PCDH9: variants seen among roughly 807,000 people sequenced by gnomAD.
The protein encoded by PCDH9 is protocadherin-9.
Under a neutral mutation model 70.6 loss-of-function variants are expected in PCDH9, and 24 were observed. That is an observed-to-expected ratio of 0.34 (90% CI 0.25 to 0.48). PCDH9 has a LOEUF of 0.48. PCDH9 is among the 20% of genes least tolerant of loss of function. The probability of loss-of-function intolerance (pLI) is 0.99; values close to 1 mark genes in which losing one functional copy is unlikely to be tolerated. For synonymous variants in PCDH9, 562 were observed against 558.5 expected (o/e 1.01, Z -0.09); for missense variants, 1,281 against 1,503.6 (o/e 0.85, Z 2.45).
intron 3 of PCDH9, among the ~76,000 whole-genome samples, chr13:66,745,060 G>C (rs2139211279): frequency 6.6e-6 from 1 of 152,176 alleles, no homozygotes; most frequent in Admixed American, 6.6e-5. Context: ...TTTACTTTTT[G>C]TGTGAGCCTC....
chr13:66,834,550 C>G (rs2080983654), intron 3 of PCDH9, among the ~76,000 whole-genome samples: 1 of 152,150 alleles, frequency 6.6e-6, no homozygotes, highest in East Asian at 1.9e-4. Context: ...CACAAAAACA[C>G]TAGAATGCTT....
intron 2 of PCDH9, among the ~76,000 whole-genome samples, chr13:67,102,582 ATACT>A (rs1337905255): frequency 6.6e-6 from 1 of 152,192 alleles, no homozygotes; most frequent in Non-Finnish European, 1.5e-5. Context: ...TTTATTCTAC[ATACT>A]TCTTAAAGTA....
Position 66,520,126 on chromosome 13 carries a change from T to C in PCDH9, c.3340+111084A>G, listed in dbSNP as rs79751400. Among the ~76,000 whole-genome samples the C allele has an allele frequency of 2.4e-3, 365 of 152,216 alleles. 10 individuals carry two copies. In the East Asian group the frequency reaches 0.05, roughly 21 times the overall value. ...GCTGCAGGGCTCTCTGTGGCTTAAA[T>C]GCCCTTTACGTCCTTTCCCTACCTT... On this transcript the variant is annotated intron_variant, in intron 4 of 4. Transcript: ENST00000377865.
Position 67,227,098 on chromosome 13 carries a change from C to T in PCDH9, c.1343G>A (p.Ser448Asn), listed in dbSNP as rs370380679. ...CCTTACCAGGGCAGTCTGATTTAAA[C>T]TGGGCTTCCCAGAATCAGAGGCAAC... ...KIVASDSGKP[S>N]LNQTALVRVK... The change falls in exon 2 of 5, where the codon AGT (serine) becomes AAT (asparagine). Residue 448 changes from serine (S) to asparagine (N), a missense_variant. Coordinates refer to ENST00000377865, the MANE Select transcript of PCDH9 (RefSeq NM_203487.3). The surrounding 1 kb of genome is among the most constrained non-coding windows in gnomAD (Gnocchi z 4.6). The T allele has an allele frequency of 5.5e-5, 88 of 1,613,964 alleles. No individual in the cohort carries two copies. The highest frequency in any genetic ancestry group is 6.9e-5 in the Non-Finnish European group (82 of 1,179,976).
intron 3 of PCDH9, among the ~76,000 whole-genome samples, chr13:66,670,108 TC>T (rs2078151658): frequency 6.6e-6 from 1 of 152,144 alleles, no homozygotes; most frequent in Non-Finnish European, 1.5e-5. Flanking sequence ...CTTATCAAAT[TC>T]ACCACATCTG....
chr13:66,456,135 A>G (rs1958312637), intron 4 of PCDH9, among the ~76,000 whole-genome samples: 1 of 152,224 alleles, frequency 6.6e-6, no homozygotes, highest in African/African-American at 2.4e-5. Context: ...AATGCTTTTT[A>G]TCTGATGGTT....
At chr13:66,438,234 A>C (rs1957911404) in intron 4 of PCDH9, among the ~76,000 whole-genome samples, 1 of 142,624 alleles carries the variant, frequency 7.0e-6, no homozygotes, top group East Asian at 2.4e-4. Context: ...ACTCCGGCTC[A>C]AAAAAAAAAA....
rs1160407639 is a variant in PCDH9, at chr13:67,227,638, C to T, written c.803G>A (p.Gly268Asp). The T allele has an allele frequency of 1.2e-6, 2 of 1,613,228 alleles. No individual in the cohort carries two copies. Among genetic ancestry groups the T allele is most frequent in the South Asian group, 2.2e-5 (2 of 91,050 alleles). Reference sequence around the variant, plus strand: ...GGCATGGAGCTGAATTACAGAGGTACCTACGGGAGCATTCTCTGGAATATG... The same window carrying T: ...GGCATGGAGCTGAATTACAGAGGTATCTACGGGAGCATTCTCTGGAATATG... ...EVHIPENAPV[G>D]TSVIQLHATD... The change falls in exon 2 of 5, where the codon GGT (glycine) becomes GAT (aspartate). Residue 268 changes from glycine (G) to aspartate (D), a missense_variant. Physicochemically the swap from Gly to Asp is moderately conservative, Grantham distance 94 (BLOSUM62 -1). Coordinates refer to ENST00000377865, the MANE Select transcript of PCDH9 (RefSeq NM_203487.3). This position sits in a 1 kb window ranked among gnomAD's most constrained non-coding sequence, Gnocchi z 4.6.
At chr13:66,916,776 T>C (rs982700912) in intron 2 of PCDH9, among the ~76,000 whole-genome samples, 2 of 151,546 alleles carry the variant, frequency 1.3e-5, no homozygotes, top group Non-Finnish European at 3.0e-5. Flanking sequence ...TTTCCATTCC[T>C]ATTCCTTAGT....
At chr13:66,793,321 A>T (rs558741098) in intron 3 of PCDH9, among the ~76,000 whole-genome samples, 2 of 152,246 alleles carry the variant, frequency 1.3e-5, no homozygotes, top group South Asian at 4.1e-4. Flanking sequence ...ACCTTTTGCT[A>T]TGCATAGATA....
intron 3 of PCDH9, among the ~76,000 whole-genome samples, chr13:66,888,762 T>C (rs913852584): frequency 1.3e-5 from 2 of 152,104 alleles, no homozygotes; most frequent in South Asian, 2.1e-4. Context: ...TTCATTCTTT[T>C]AGTAAACAAA....
chr13:67,007,827 TTGAGAGTGGTTGGGGTATTCG>T (rs1383172048), intron 2 of PCDH9, among the ~76,000 whole-genome samples: 3 of 152,136 alleles, frequency 2.0e-5, no homozygotes, highest in African/African-American at 7.2e-5. Context: ...TTTCCTGAAT[TTGAGAGTGGTTGGGGTATTCG>T]TGAATATATC....
intron 2 of PCDH9, chr13:67,210,464 T>C (rs1487665980): frequency 6.6e-6 from 1 of 152,040 alleles, no homozygotes; most frequent in Non-Finnish European, 1.5e-5. Flanking sequence ...ATTGTTTTTC[T>C]TGAGCCAATG....
intron 2 of PCDH9, among the ~76,000 whole-genome samples, chr13:66,934,584 G>C (rs1204006238): frequency 9.0e-6 from 1 of 110,506 alleles, no homozygotes; most frequent in Non-Finnish European, 2.1e-5. Flanking sequence ...AAAACTCCTT[G>C]AAGCATAGGA....
At chr13:66,762,722 C>A (rs186024256) in intron 3 of PCDH9, among the ~76,000 whole-genome samples, 1 of 151,796 alleles carries the variant, frequency 6.6e-6, no homozygotes, top group Non-Finnish European at 1.5e-5. Flanking sequence ...CCATCTAACT[C>A]GACTCAATCC....
rs1187770406 is a variant in PCDH9, at chr13:66,514,232, G to T, written c.3340+116978C>A. Among the ~76,000 whole-genome samples the T allele has an allele frequency of 2.0e-5, 3 of 152,026 alleles. No individual in the cohort carries two copies. The South Asian group carries it at 6.2e-4, about 32-fold the overall frequency. ...GTTCCTAAATTGATTTTGCTAAGAC[G>T]TCGCTGCCTGGCATATCCCAAGTCC... On this transcript the variant is annotated intron_variant, in intron 4 of 4. Transcript: ENST00000377865.
chr13:67,214,473 G>A (rs1321138872), intron 2 of PCDH9: 4 of 152,130 alleles, frequency 2.6e-5, no homozygotes, highest in East Asian at 3.9e-4. Flanking sequence ...TGATGGATAC[G>A]GTGAAAATTC....
intron 3 of PCDH9, among the ~76,000 whole-genome samples, chr13:66,844,942 C>A (rs1176754540): frequency 6.6e-6 from 1 of 152,164 alleles, no homozygotes; most frequent in African/African-American, 2.4e-5. Flanking sequence ...CCAGAAAACT[C>A]TATGGCCACT....
intron 2 of PCDH9, among the ~76,000 whole-genome samples, chr13:67,048,790 C>T (rs2085269889): frequency 6.6e-6 from 1 of 152,176 alleles, no homozygotes; most frequent in African/African-American, 2.4e-5. Context: ...TGCTCAGTGA[C>T]TCACACGGTT....
Sources: allele counts gnomAD v4.1 joint callset (sites outside exome capture counted in the v4.1 genomes callset), GRCh38; gene constraint gnomAD v4.1.1; non-coding constraint Gnocchi (gnomAD v3.1); transcripts MANE v1.5; gene names NCBI Gene and HGNC (gene_info 2026-07-23, HGNC 2026-07-21).